CATSPERE: variants seen among roughly 807,000 people sequenced by gnomAD.
CATSPERE encodes catsper channel auxiliary subunit epsilon, also known as cation channel sperm-associated auxiliary subunit epsilon.
In CATSPERE, 93 loss-of-function variants were observed where a neutral mutation model predicts 114.1. The ratio of observed to expected loss-of-function variants is 0.81; its 90% CI spans 0.69 to 0.97. The LOEUF (loss-of-function observed/expected upper bound fraction) is 0.97. CATSPERE is among the 50% of genes least tolerant of loss of function. CATSPERE has a pLI of 0.00. For synonymous variants in CATSPERE, 341 were observed against 384.1 expected (o/e 0.89, Z 1.31); for missense variants, 1,058 against 1,131.6 (o/e 0.93, Z 0.93).
At chr1:244,612,952 A>G (rs1670933338) in intron 19 of CATSPERE, among the ~76,000 whole-genome samples, 1 of 152,202 alleles carries the variant, frequency 6.6e-6, no homozygotes, top group Non-Finnish European at 1.5e-5. Context: ...AATATCAGGC[A>G]GTGATATCTT....
At chr1:244,505,273 G>C (rs1674655052) in intron 7 of CATSPERE, among the ~76,000 whole-genome samples, 1 of 152,104 alleles carries the variant, frequency 6.6e-6, no homozygotes, top group African/African-American at 2.4e-5. Flanking sequence ...CCCAGTCCTA[G>C]AATCAGGCAT....
chr1:244,608,323 A>T (rs368776965), intron 18 of CATSPERE, among the ~76,000 whole-genome samples: 9 of 152,088 alleles, frequency 5.9e-5, no homozygotes, highest in Admixed American at 1.3e-4. Flanking sequence ...GCTTGAGCCT[A>T]GGAGTCTGAG....
chr1:244,621,026 T>TAAATATATATAAAATATATATA, intron 20 of CATSPERE, among the ~76,000 whole-genome samples: 1 of 112,572 alleles, frequency 8.9e-6, no homozygotes, highest in African/African-American at 3.8e-5. Context: ...AAAATATATA[T>TAAATATATATAAAATATATATA]AAATATATAT....
chr1:244,510,990 C>T (rs1675662285), intron 7 of CATSPERE, among the ~76,000 whole-genome samples: 1 of 151,270 alleles, frequency 6.6e-6, no homozygotes, highest in Non-Finnish European at 1.5e-5. Context: ...ATTATAGGCG[C>T]CCACCAGCAC....
intron 8 of CATSPERE, among the ~76,000 whole-genome samples, chr1:244,551,983 G>C (rs993759106): frequency 1.4e-5 from 2 of 146,576 alleles, no homozygotes; most frequent in Non-Finnish European, 3.0e-5. Flanking sequence ...AGAATGGCAT[G>C]AGCCCGAGAG....
chr1:244,544,661 A>G (rs1205112222), intron 8 of CATSPERE, among the ~76,000 whole-genome samples: 2 of 152,230 alleles, frequency 1.3e-5, no homozygotes. Flanking sequence ...GCCACCATCA[A>G]GAAACTAGAA....
chr1:244,492,986 G>A (rs1449440121), intron 6 of CATSPERE, among the ~76,000 whole-genome samples: 1 of 151,360 alleles, frequency 6.6e-6, no homozygotes, highest in Non-Finnish European at 1.5e-5. Flanking sequence ...TTCATGGGTA[G>A]GAAGAATCAA....
rs1664711814 is a variant in CATSPERE, at chr1:244,573,131, G to A, written c.1950+359G>A. 6.6e-6 allele frequency among the ~76,000 whole-genome samples: 1 copy of A among 151,950 alleles called. No homozygotes were observed. The highest frequency in any genetic ancestry group is 1.5e-5 in the Non-Finnish European group (1 of 68,016). ...TGCTTAGAACAACAACCAATTCTGG[G>A]CCGGGCATGGTGGCTCACACCTGTA... On this transcript the variant is annotated intron_variant, in intron 11 of 21. Transcript: ENST00000366534. This position sits in a 1 kb window ranked among gnomAD's most constrained non-coding sequence, Gnocchi z 4.0.
At chr1:244,496,167 C>G (rs762860138) in intron 6 of CATSPERE, among the ~76,000 whole-genome samples, 9 of 152,122 alleles carry the variant, frequency 5.9e-5, no homozygotes, top group African/African-American at 9.7e-5. Context: ...TTAAACTAAA[C>G]AATTAAGACC....
At position 244,527,793 on chromosome 1, in the gene CATSPERE, G is replaced by A. The variant is rs1047507300; in HGVS notation, c.536+9095G>A. On this transcript the variant is annotated intron_variant, in intron 8 of 21. Transcript: ENST00000366534. ...TCTTCACAATTTATGTTCTTCTGCC[G>A]TGGCTTCAGCTGGTCCCTCCGTTCA... Among the ~76,000 whole-genome samples, 9 of 152,138 alleles carry A rather than the reference G, an allele frequency of 5.9e-5. No individual in the cohort carries two copies. The Middle Eastern group carries it at 0.01, about 172-fold the overall frequency.
chr1:244,499,488 C>G (rs545802147), intron 7 of CATSPERE, among the ~76,000 whole-genome samples: 1 of 111,816 alleles, frequency 8.9e-6, no homozygotes, highest in African/African-American at 3.3e-5. Context: ...TGCTCTCCCT[C>G]CCCTTCCCCC....
In CATSPERE at chr1:244,573,385, TG is replaced by T. The variant is rs1409141661; in HGVS notation, c.1950+616del. Among the ~76,000 whole-genome samples, 1 of 151,430 alleles carries T rather than the reference TG, an allele frequency of 6.6e-6. No homozygotes were observed. The highest frequency in any genetic ancestry group is 1.5e-5 in the Non-Finnish European group (1 of 67,888). On this transcript the variant is annotated intron_variant, in intron 11 of 21. Transcript: ENST00000366534. This position sits in a 1 kb window ranked among gnomAD's most constrained non-coding sequence, Gnocchi z 4.0. Reference sequence around the variant, plus strand: ...GAGATCACACCACTGCACTCCAGCCTGGGTGACAGAGTGAGACTCCCTCTCA... The same window carrying T: ...GAGATCACACCACTGCACTCCAGCCTGGTGACAGAGTGAGACTCCCTCTCA...
At chr1:244,528,490 T>A (rs1679026757) in intron 8 of CATSPERE, among the ~76,000 whole-genome samples, 4 of 152,154 alleles carry the variant, frequency 2.6e-5, no homozygotes, top group South Asian at 2.1e-4. Context: ...CTAGTTTTTT[T>A]AAATTTTTAA....
At chr1:244,592,477 T>C (rs1416111906) in intron 15 of CATSPERE, among the ~76,000 whole-genome samples, 1 of 152,134 alleles carries the variant, frequency 6.6e-6, no homozygotes, top group Non-Finnish European at 1.5e-5. Flanking sequence ...GCCTCTGAAA[T>C]ATTTACAAGC....
upstream of CATSPERE, among the ~76,000 whole-genome samples, chr1:244,452,399 A>G (rs1373416107): frequency 6.6e-6 from 1 of 152,272 alleles, no homozygotes; most frequent in Admixed American, 6.5e-5. Context: ...GGAATTTCGC[A>G]GTACAAACAG....
chr1:244,508,069 G>A (rs967385702), intron 7 of CATSPERE, among the ~76,000 whole-genome samples: 11 of 151,778 alleles, frequency 7.2e-5, no homozygotes, highest in African/African-American at 1.2e-4. Context: ...TAGTATGGTC[G>A]TTTTAACAAT....
At chr1:244,480,627 A>AGTCCCAGCTACAG (rs374505578) in intron 5 of CATSPERE, among the ~76,000 whole-genome samples, 61,804 of 151,218 alleles carry the variant, frequency 0.41, 13,197 homozygotes, top group East Asian at 0.73. Context: ...TCTTCAGTAA[A>AGTCCCAGCTACAG]GCATGGTTGT....
chr1:244,451,816 A>G (rs1330290461), upstream of CATSPERE: 2 of 1,581,320 alleles, frequency 1.3e-6, no homozygotes, highest in South Asian at 1.1e-5. This position sits in a 1 kb window ranked among gnomAD's most constrained non-coding sequence, Gnocchi z 6.6. Flanking sequence ...GGCGAACGCC[A>G]TGGCTCCAGT....
At chr1:244,622,126 G>T (rs1038660263) in intron 20 of CATSPERE, among the ~76,000 whole-genome samples, 2 of 152,072 alleles carry the variant, frequency 1.3e-5, no homozygotes, top group African/African-American at 4.8e-5. Context: ...TGTACCCTGT[G>T]GCCTTTATGG....
Sources: allele counts gnomAD v4.1 joint callset (sites outside exome capture counted in the v4.1 genomes callset), GRCh38; gene constraint gnomAD v4.1.1; non-coding constraint Gnocchi (gnomAD v3.1); transcripts MANE v1.5; gene names NCBI Gene and HGNC (gene_info 2026-07-23, HGNC 2026-07-21).